Variants in NLRP7 observed in about 807,000 individuals in gnomAD.
NLRP7 encodes NACHT, LRR and PYD domains-containing protein 7.
In NLRP7, 72 loss-of-function variants were observed where a neutral mutation model predicts 85.5. The observed-to-expected ratio is 0.84, with a 90% CI of 0.70 to 1.02. The LOEUF is 1.02. NLRP7 is among the 50% of genes least tolerant of loss of function. NLRP7 has a pLI of 0.00. For synonymous variants in NLRP7, 550 were observed against 505.2 expected (o/e 1.09, Z -1.19); for missense variants, 1,243 against 1,219.5 (o/e 1.02, Z -0.29).
intron 1 of NLRP7, among the ~76,000 whole-genome samples, chr19:54,961,167 G>A (rs1052523555): frequency 6.6e-6 from 1 of 151,920 alleles, no homozygotes; most frequent in Non-Finnish European, 1.5e-5. Context: ...GAGCCCAGGA[G>A]TTCAAGACCG....
Position 54,934,285 on chromosome 19 carries a change from C to T in NLRP7, c.2471+204G>A, listed in dbSNP as rs1427462013. Among the ~76,000 whole-genome samples the T allele has an allele frequency of 6.6e-6, 1 of 152,092 alleles. No homozygotes were observed. Among genetic ancestry groups the T allele is most frequent in the African/African-American group, 2.4e-5 (1 of 41,412 alleles). On this transcript the variant is annotated intron_variant, in intron 7 of 9. Transcript: ENST00000340844. The surrounding 1 kb of genome is among the most constrained non-coding windows in gnomAD (Gnocchi z 6.7). The stretch of plus-strand genomic sequence containing the variant: ...AGAAACAGGGTTTCACCATGTTGGC[C>T]AGGTTGGTCTCGAACTCCTGAACTC...
intron 9 of NLRP7, among the ~76,000 whole-genome samples, chr19:54,930,032 G>A (rs269946): frequency 0.55 from 81,000 of 146,296 alleles, 22,752 homozygotes; most frequent in East Asian, 0.72. Flanking sequence ...GGAGAATAGC[G>A]AGAACCCGGG....
At chr19:54,927,377 G>A (rs269930) in intron 9 of NLRP7, among the ~76,000 whole-genome samples, 78,682 of 146,644 alleles carry the variant, frequency 0.54, 21,334 homozygotes, top group East Asian at 0.72. Flanking sequence ...ACAAAACTCC[G>A]TCTCAAAAAA....
chr19:54,941,644 T>C (rs1422346936), exon 2 of NLRP7: 1 of 1,613,922 alleles, frequency 6.2e-7, no homozygotes, highest in Non-Finnish European at 8.5e-7. Flanking sequence ...TTTGAAACTC[T>C]TTAATTCATC....
At chr19:54,939,588 C>T (rs746988595) in exon 4 of NLRP7, 39 of 1,611,324 alleles carry the variant, frequency 2.4e-5, no homozygotes, top group South Asian at 1.7e-4. Flanking sequence ...GTCCGCAGCG[C>T]GCCCCGCAGC....
chr19:54,962,774 T>C (rs563074739), intron 1 of NLRP7, among the ~76,000 whole-genome samples: 54 of 148,778 alleles, frequency 3.6e-4, no homozygotes, highest in African/African-American at 1.3e-3. Context: ...TAATTTTTTG[T>C]ATTTTTAGTA....
Position 54,959,300 on chromosome 19 carries a change from G to A in NLRP7, c.-77+6740C>T, listed in dbSNP as rs746766449. ...ATTACAGGCGCACGCCACCATGCCC[G>A]GCTAATTTTTGTATTTTTAATAGAG... is the stretch of plus-strand genomic sequence containing the variant. On this transcript the variant is annotated intron_variant, in intron 1 of 2. Coordinates refer to the NLRP7 transcript ENST00000587103. Among the ~76,000 whole-genome samples the A allele has an allele frequency of 2.8e-4, 42 of 150,540 alleles. 1 individual carries two copies. The highest frequency in any genetic ancestry group is 1.6e-3 in the Admixed American group (24 of 15,044).
intron 9 of NLRP7, 50 bp from the exon 11 acceptor site, chr19:54,923,922 C>T: frequency 6.3e-7 from 1 of 1,590,360 alleles, no homozygotes; most frequent in South Asian, 1.1e-5. Flanking sequence ...TTCTCAACTA[C>T]CCAGGATGCC....
chr19:54,931,828 GAC>G (rs1168679530), intron 8 of NLRP7, among the ~76,000 whole-genome samples: 1 of 130,430 alleles, frequency 7.7e-6, no homozygotes, highest in African/African-American at 3.2e-5. Context: ...CCAGCCTGGT[GAC>G]AGAGAGAGAC....
exon 4 of NLRP7, chr19:54,939,346 G>C (rs757367902): frequency 6.2e-7 from 1 of 1,614,114 alleles, no homozygotes; most frequent in South Asian, 1.1e-5. Flanking sequence ...AGGCGTGGCC[G>C]TCCCTGTCCT....
chr19:54,927,612 T>C (rs776840088), intron 9 of NLRP7: 1 of 1,613,880 alleles, frequency 6.2e-7, no homozygotes, highest in South Asian at 1.1e-5. Flanking sequence ...TACCTGAGTA[T>C]CTTCAAGGAT....
intron 1 of NLRP7, among the ~76,000 whole-genome samples, chr19:54,952,825 G>A (rs2069714491): frequency 6.6e-6 from 1 of 152,034 alleles, no homozygotes; most frequent in African/African-American, 2.4e-5. Flanking sequence ...GACCTACCGG[G>A]CTGCATTCCC....
chr19:54,957,256 G>C (rs1377092889), intron 1 of NLRP7, among the ~76,000 whole-genome samples: 2 of 151,774 alleles, frequency 1.3e-5, no homozygotes, highest in Admixed American at 1.3e-4. Flanking sequence ...CCCGACGTCA[G>C]GTGATCCACC....
At chr19:54,943,998 GCACCCAGGGA>G (rs796324247) in intron 1 of NLRP7, among the ~76,000 whole-genome samples, 4 of 152,182 alleles carry the variant, frequency 2.6e-5, no homozygotes, top group African/African-American at 9.6e-5. Flanking sequence ...CTAATCTCAA[GCACCCAGGGA>G]CACAATACAC....
At chr19:54,941,976 G>A (rs1306055623) in intron 1 of NLRP7, among the ~76,000 whole-genome samples, 1 of 151,714 alleles carries the variant, frequency 6.6e-6, no homozygotes, top group African/African-American at 2.4e-5. Flanking sequence ...ACAAAAGGCT[G>A]GGCACGGTGG....
At chr19:54,952,463 G>A (rs753703895), upstream of NLRP7, among the ~76,000 whole-genome samples, 11 of 151,794 alleles carry the variant, frequency 7.2e-5, no homozygotes, top group Non-Finnish European at 1.5e-4. Flanking sequence ...GCGTGGTAGC[G>A]GGTGCCTGTA....
chr19:54,962,268 A>AT (rs34974314), intron 1 of NLRP7, among the ~76,000 whole-genome samples: 22,810 of 133,124 alleles, frequency 0.17, 2,254 homozygotes, highest in East Asian at 0.38. Flanking sequence ...CCATCCCTCA[A>AT]TTTTTTTTTT....
In NLRP7 at chr19:54,927,603, A is replaced by C; in HGVS notation, c.2810+2896T>G. 1 of 1,613,750 alleles carries C rather than the reference A, an allele frequency of 6.2e-7. No individual in the cohort carries two copies. The stretch of plus-strand genomic sequence containing the variant: ...AAACAAAACAAAACAAAAAACCCAT[A>C]CCTGAGTATCTTCAAGGATCCAGTT... On this transcript the variant is annotated intron_variant, in intron 9 of 9. Transcript: ENST00000340844.
intron 9 of NLRP7, 143 bp from the exon 11 acceptor site, chr19:54,924,015 T>C: frequency 4.7e-6 from 4 of 843,768 alleles, no homozygotes; most frequent in Non-Finnish European, 7.6e-6. Flanking sequence ...TTGCCCAGGC[T>C]GGGGTACAGT....
Sources: gnomAD v4.1 joint callset for allele counts (sites outside exome capture counted in the v4.1 genomes callset) on GRCh38, gnomAD v4.1.1 for gene constraint, Gnocchi (gnomAD v3.1) non-coding constraint, MANE v1.5 for transcripts, NCBI Gene and HGNC (gene_info 2026-07-23, HGNC 2026-07-21) for gene names.